The following DLC1 variants were observed in gnomAD, a reference collection of about 807,000 sequenced individuals.
The protein encoded by DLC1 is rho GTPase-activating protein 7.
DLC1 carries 54 observed loss-of-function variants against 140.3 expected under a neutral mutation model. That is an observed-to-expected ratio of 0.38 (90% CI 0.31 to 0.48). The LOEUF (loss-of-function observed/expected upper bound fraction) is 0.48, where lower values mean the gene tolerates loss of function less well. Ranked by LOEUF, DLC1 falls within the 20% of genes least tolerant of loss-of-function variation. DLC1 has a pLI of 0.96. For synonymous variants in DLC1, 986 were observed against 728.1 expected, an observed-to-expected ratio of 1.35 and a Z score of -5.70; for missense variants, 2,536 against 1,907.0, an observed-to-expected ratio of 1.33 and a Z score of -6.14.
chr8:13,273,672 T>G (rs1307494761), intron 5 of DLC1, among the ~76,000 whole-genome samples: 1 of 123,386 alleles, frequency 8.1e-6, no homozygotes, highest in Non-Finnish European at 1.6e-5. Context: ...TCATTTGGGA[T>G]AGCAGAACTG....
chr8:13,358,736 T>C (rs1050514852), intron 4 of DLC1, among the ~76,000 whole-genome samples: 2 of 151,872 alleles, frequency 1.3e-5, no homozygotes, highest in African/African-American at 4.8e-5. Flanking sequence ...AAAGAAGAGA[T>C]GTGTAGAAAA....
At chr8:13,302,473 T>C (rs1832241277) in intron 5 of DLC1, among the ~76,000 whole-genome samples, 1 of 152,190 alleles carries the variant, frequency 6.6e-6, no homozygotes, top group African/African-American at 2.4e-5. Flanking sequence ...ATGATCCCAC[T>C]GAGCTGTATT....
intron 3 of DLC1, among the ~76,000 whole-genome samples, chr8:13,399,898 C>A (rs899517078): frequency 6.6e-6 from 1 of 152,106 alleles, no homozygotes; most frequent in Non-Finnish European, 1.5e-5. Context: ...GTTCTTCCTG[C>A]TGATCTATAA....
At chr8:13,086,873 A>G (rs1233057340) in intron 16 of DLC1, among the ~76,000 whole-genome samples, 1 of 152,040 alleles carries the variant, frequency 6.6e-6, no homozygotes, top group Non-Finnish European at 1.5e-5. Context: ...AAAATAAAAA[A>G]TATTAGCCGG....
At chr8:13,579,810 C>A (rs1232080017) in intron 1 of DLC1, among the ~76,000 whole-genome samples, 2 of 151,730 alleles carry the variant, frequency 1.3e-5, no homozygotes, top group Non-Finnish European at 2.9e-5. Flanking sequence ...GTGTGGCCCT[C>A]TGCATAGCAC....
intron 3 of DLC1, 49 bp downstream of exon 3, chr8:13,401,421 C>T: frequency 6.2e-7 from 1 of 1,601,596 alleles, no homozygotes; most frequent in Non-Finnish European, 8.5e-7. Context: ...TGTATAAGGT[C>T]AAGAGTTACG....
intron 8 of DLC1, among the ~76,000 whole-genome samples, chr8:13,101,906 G>T (rs1819126343): frequency 6.6e-6 from 1 of 152,200 alleles, no homozygotes; most frequent in African/African-American, 2.4e-5. Flanking sequence ...AATTCGGTAT[G>T]ATACATGTCT....
At chr8:13,288,904 C>G (rs1219166726) in intron 5 of DLC1, among the ~76,000 whole-genome samples, 1 of 152,178 alleles carries the variant, frequency 6.6e-6, no homozygotes, top group Non-Finnish European at 1.5e-5. Flanking sequence ...GTGGACTTAA[C>G]CAAAGTTTAT....
chr8:13,513,056 A>G lies in DLC1; in HGVS notation c.-126+1546T>C, dbSNP rs148129623. Among the ~76,000 whole-genome samples the G allele has an allele frequency of 7.2e-4, 109 of 150,756 alleles. 1 individual carries two copies. The East Asian group carries it at 0.019, about 27-fold the overall frequency. On this transcript the variant is annotated intron_variant, in intron 1 of 17. Transcript: ENST00000276297. ...TGGACATGTTCATACTTCATTATGC[A>G]TAATTATTATGGGAGGGCAGGATGA...
intron 1 of DLC1, among the ~76,000 whole-genome samples, chr8:13,532,212 G>T (rs1365278999): frequency 6.6e-6 from 1 of 152,162 alleles, no homozygotes; most frequent in Admixed American, 6.5e-5. Flanking sequence ...TGAGGTTGCA[G>T]TGAGCTGTGA....
At chr8:13,557,119 C>G (rs527495788) in intron 1 of DLC1, among the ~76,000 whole-genome samples, 2 of 152,162 alleles carry the variant, frequency 1.3e-5, no homozygotes, top group African/African-American at 4.8e-5. Context: ...TATTCTATTT[C>G]TAGGGAATTT....
intron 1 of DLC1, among the ~76,000 whole-genome samples, chr8:13,574,177 A>G (rs1458129697): frequency 6.6e-6 from 1 of 152,190 alleles, no homozygotes; most frequent in African/African-American, 2.4e-5. Flanking sequence ...ATGTATATAT[A>G]CACATTCTTT....
chr8:13,227,568 G>A (rs1263374746), intron 5 of DLC1, among the ~76,000 whole-genome samples: 1 of 152,088 alleles, frequency 6.6e-6, no homozygotes, highest in Non-Finnish European at 1.5e-5. Context: ...TAGGGTCTAT[G>A]GTCACACAGT....
In DLC1 at chr8:13,305,312, A is replaced by C; in HGVS notation, c.1315-10T>G. On this transcript the variant is annotated splice_polypyrimidine_tract_variant and intron_variant, in intron 4 of 17. Coordinates refer to ENST00000276297, the MANE Select transcript of DLC1 (RefSeq NM_182643.3). ...AAATACCTTGAATAGCCTGAAAAAA[A>C]AGACACAAAAATTGTGGTATTATTA... The C allele has an allele frequency of 6.3e-7, 1 of 1,590,666 alleles. No individual in the cohort carries two copies. Among genetic ancestry groups the C allele is most frequent in the Non-Finnish European group, 8.5e-7 (1 of 1,170,956 alleles).
intron 2 of DLC1, among the ~76,000 whole-genome samples, chr8:13,489,412 T>TACACACACACACACACACACACAC (rs10558551): frequency 1.9e-4 from 25 of 132,272 alleles, no homozygotes; most frequent in African/African-American, 7.2e-4. Context: ...ACACACACCA[T>TACACACACACACACACACACACAC]ACACACACAC....
intron 5 of DLC1, among the ~76,000 whole-genome samples, chr8:13,233,161 G>A (rs1829126117): frequency 6.6e-6 from 1 of 151,786 alleles, no homozygotes; most frequent in African/African-American, 2.4e-5. Context: ...TGGGTGTGGT[G>A]GTACACACCT....
intron 1 of DLC1, among the ~76,000 whole-genome samples, chr8:13,503,249 C>T (rs1332296196): frequency 6.6e-6 from 1 of 151,882 alleles, no homozygotes; most frequent in Non-Finnish European, 1.5e-5. Context: ...ACAAAAAATG[C>T]AAAAATTAGC....
At chr8:13,553,206 ATATATATATATATATATATATG>A (rs1458656677) in intron 1 of DLC1, among the ~76,000 whole-genome samples, 945 of 48,930 alleles carry the variant, frequency 0.019, 28 homozygotes, top group Admixed American at 0.059. Context: ...CAGCTGTCAT[ATATATATATATATATATATATG>A]TATATATATA....
chr8:13,292,540 A>T (rs1009801685), intron 5 of DLC1, among the ~76,000 whole-genome samples: 47 of 152,250 alleles, frequency 3.1e-4, no homozygotes, highest in Non-Finnish European at 6.8e-4. Flanking sequence ...CCCTTTGGGT[A>T]ACCTGGCTGA....
Sources: gnomAD v4.1 joint callset for allele counts (sites outside exome capture counted in the v4.1 genomes callset) on GRCh38, gnomAD v4.1.1 for gene constraint, MANE v1.5 for transcripts, NCBI Gene and HGNC (gene_info 2026-07-23, HGNC 2026-07-21) for gene names.